The following MYO1C variants were observed in gnomAD, a reference collection of about 807,000 sequenced individuals.
MYO1C encodes the protein myosin IC.
Under a neutral mutation model 150.8 loss-of-function variants are expected in MYO1C, and 104 were observed. That is an observed-to-expected ratio of 0.69 (90% CI 0.59 to 0.81). The LOEUF is 0.81. MYO1C is among the 30% of genes least tolerant of loss of function. MYO1C has a pLI of 0.00. For synonymous variants in MYO1C, 663 were observed against 579.9 expected (o/e 1.14, Z -2.06); for missense variants, 1,504 against 1,435.0 (o/e 1.05, Z -0.78).
At chr17:1,470,966 G>T in intron 21 of MYO1C, 105 bp downstream of exon 21, 1 of 1,276,312 alleles carries the variant, frequency 7.8e-7, no homozygotes, top group Non-Finnish European at 1.1e-6. Flanking sequence ...TGGGGCTGGA[G>T]CTGATAGGGA....
At chr17:1,465,932 G>A (rs1049325610) in intron 31 of MYO1C, among the ~76,000 whole-genome samples, 180 bp from the exon 32 acceptor site, 1 of 151,710 alleles carries the variant, frequency 6.6e-6, no homozygotes, top group African/African-American at 2.4e-5. Flanking sequence ...TTCCCTAAGA[G>A]TTGGGATTAC....
chr17:1,484,886 AC>A, intron 1 of MYO1C: 2 of 47,906 alleles, frequency 4.2e-5, no homozygotes, highest in Admixed American at 3.6e-4. Context: ...ACCCAGACCC[AC>A]CCCCACCTCC....
chr17:1,486,419 G>T (rs935503701), intron 1 of MYO1C, among the ~76,000 whole-genome samples: 2 of 152,040 alleles, frequency 1.3e-5, no homozygotes, highest in Non-Finnish European at 2.9e-5. Flanking sequence ...TGGGAAATTC[G>T]CGTCCCCCCC....
rs61756682 is a variant in MYO1C, at chr17:1,483,621, C to G, written c.336G>C (p.Val112=). The change falls in exon 3 of 32, where the codon GTG becomes GTC. Residue 112 remains valine (V), a synonymous_variant. Coordinates refer to ENST00000648651, the MANE Select transcript of MYO1C (RefSeq NM_001080779.2). ...ERYRGVSFYE[V]PPHLFAVADT... ...CTGGGGTCACTCACAGGTGAGGGGG[C>G]ACTTCATAGAAGCTGACGCCACGGT... The G allele has an allele frequency of 6.5e-4, 1,038 of 1,609,234 alleles. 7 individuals carry two copies. In the African/African-American group the frequency reaches 0.011, roughly 17 times the overall value.
chr17:1,483,764 C>T (rs1160956873), intron 2 of MYO1C, 39 bp from the exon 3 acceptor site: 3 of 1,508,404 alleles, frequency 2.0e-6, no homozygotes, highest in Non-Finnish European at 2.7e-6. Flanking sequence ...TTATCCCGGG[C>T]CAGGTGCGAT....
In MYO1C at chr17:1,468,006, C is replaced by A; in HGVS notation, c.2878G>T (p.Asp960Tyr). 1 of 1,612,860 alleles carries A rather than the reference C, an allele frequency of 6.2e-7. No homozygotes were observed. Among genetic ancestry groups the A allele is most frequent in the South Asian group, 1.1e-5 (1 of 91,004 alleles). ...GGCTGACCGGTCAGGTTGGCGTAATCAATCCTCTGCTTGACTTTGGCGTCC... is the reference window on the plus strand; with the variant it reads ...GGCTGACCGGTCAGGTTGGCGTAATAAATCCTCTGCTTGACTTTGGCGTCC... The part of the protein sequence containing the change: ...VEDAKVKQRI[D>Y]YANLTGISVS... The change falls in exon 28 of 32, where the codon GAT (aspartate) becomes TAT (tyrosine). Residue 960 changes from aspartate (D) to tyrosine (Y), a missense_variant. Asp to Tyr is a radical substitution (Grantham distance 160). Transcript: ENST00000648651.
intron 1 of MYO1C, chr17:1,491,762 C>G: frequency 1.7e-6 from 1 of 571,568 alleles, no homozygotes; most frequent in Non-Finnish European, 2.2e-6. Flanking sequence ...CCGCCCCGCC[C>G]CGCCTCAGCC....
At chr17:1,476,580 T>G (rs2074406448) in intron 14 of MYO1C, among the ~76,000 whole-genome samples, 1 of 152,200 alleles carries the variant, frequency 6.6e-6, no homozygotes, top group African/African-American at 2.4e-5. Flanking sequence ...GAGCTAATTT[T>G]GGGGAAATGA....
chr17:1,484,495 G>T, intron 1 of MYO1C, 192 bp from the exon 2 acceptor site: 1 of 661,584 alleles, frequency 1.5e-6, no homozygotes, highest in Non-Finnish European at 2.6e-6. Context: ...GCGGAAAGCC[G>T]GGTGTGGAGG....
chr17:1,488,016 G>C (rs2074686339), intron 1 of MYO1C, among the ~76,000 whole-genome samples: 3 of 152,188 alleles, frequency 2.0e-5, no homozygotes, highest in Non-Finnish European at 2.9e-5. Flanking sequence ...AGACGGGGTA[G>C]AGGGTCAAGA....
Position 1,467,929 on chromosome 17 carries a change from G to C in MYO1C, c.2897-19C>G. On this transcript the variant is annotated intron_variant, in intron 28 of 31. Coordinates refer to ENST00000648651, the MANE Select transcript of MYO1C (RefSeq NM_001080779.2). ...GAGATTCCTGAGGGGAGAGGGCAAA[G>C]GTCAGAGGTCGAGGGTCAGAGCAGG... The C allele has an allele frequency of 6.2e-7, 1 of 1,612,750 alleles. No homozygotes were observed. Among genetic ancestry groups the C allele is most frequent in the Non-Finnish European group, 8.5e-7 (1 of 1,179,816 alleles).
intron 1 of MYO1C, among the ~76,000 whole-genome samples, chr17:1,487,429 G>C (rs2074676896): frequency 6.6e-6 from 1 of 152,254 alleles, no homozygotes; most frequent in African/African-American, 2.4e-5. Flanking sequence ...GCGAGGCTGC[G>C]GCAGGTGCGG....
intron 1 of MYO1C, chr17:1,485,502 TCATCCGGCCCCGGGTCC>T: frequency 1.7e-6 from 1 of 588,266 alleles, no homozygotes; most frequent in South Asian, 7.8e-5. Flanking sequence ...CGGCGGCTCC[TCATCCGGCCCCGGGTCC>T]GAGCGTCCCG....
chr17:1,477,587 A>G lies in MYO1C; in HGVS notation c.1492T>C (p.Cys498Arg), dbSNP rs779569352. 6.2e-6 allele frequency: 10 copies of G among 1,612,764 alleles called. No individual in the cohort carries two copies. Among genetic ancestry groups the G allele is most frequent in the Non-Finnish European group, 8.5e-6 (10 of 1,179,776 alleles). ...KGIISILDEE[C>R]LRPGEATDLT... ...TCTGTGGCCTCCCCGGGGCGCAGAC[A>G]CTCCTCATCCTGGGGGGTGTGGCAC... The change falls in exon 14 of 32, where the codon TGT (cysteine) becomes CGT (arginine). Residue 498 changes from cysteine to arginine, a missense_variant. Physicochemically the swap from Cys to Arg is radical, Grantham distance 180. Coordinates refer to ENST00000648651, the MANE Select transcript of MYO1C (RefSeq NM_001080779.2).
chr17:1,485,062 G>A, intron 1 of MYO1C: 2 of 1,216,000 alleles, frequency 1.6e-6, no homozygotes, highest in South Asian at 2.5e-5. Context: ...CAGCTGCTGG[G>A]CTCCCCAGGC....
chr17:1,480,895 G>C lies in MYO1C; in HGVS notation c.628-10C>G, dbSNP rs1302682253. ...CACCCACGGGGGCACCCTGTGGGCA[G>C]GGCAGGGCATGAGGCCGGGTCACGG... On this transcript the variant is annotated splice_polypyrimidine_tract_variant and intron_variant, in intron 5 of 31. Coordinates refer to ENST00000648651, the MANE Select transcript of MYO1C (RefSeq NM_001080779.2). 1.2e-6 allele frequency: 2 copies of C among 1,613,614 alleles called. No individual in the cohort carries two copies.
chr17:1,480,482 G>C (rs757638855), intron 7 of MYO1C, 45 bp downstream of exon 7: 2 of 1,459,062 alleles, frequency 1.4e-6, no homozygotes, highest in Non-Finnish European at 1.9e-6. Context: ...AGGAGATTTT[G>C]GGGGTGTGAC....
chr17:1,471,012 G>T, intron 21 of MYO1C, 59 bp downstream of exon 21: 4 of 1,559,314 alleles, frequency 2.6e-6, no homozygotes, highest in South Asian at 1.1e-5. Flanking sequence ...CCAAGGGAGT[G>T]ACTTCCCTGC....
chr17:1,476,589 G>T (rs1212791789), intron 14 of MYO1C, among the ~76,000 whole-genome samples: 1 of 152,216 alleles, frequency 6.6e-6, no homozygotes, highest in Non-Finnish European at 1.5e-5. Flanking sequence ...TTGGGGAAAT[G>T]ACTTCGCCTC....
Sources: allele counts gnomAD v4.1 joint callset (sites outside exome capture counted in the v4.1 genomes callset), GRCh38; gene constraint gnomAD v4.1.1; transcripts MANE v1.5; gene names NCBI Gene and HGNC (gene_info 2026-07-23, HGNC 2026-07-21).